CCDC102B: variants seen among roughly 807,000 people sequenced by gnomAD.
CCDC102B encodes the protein coiled-coil domain-containing protein 102B.
CCDC102B carries 75 observed loss-of-function variants against 57.4 expected under a neutral mutation model. That is an observed-to-expected ratio of 1.31 (90% CI 1.08 to 1.58). CCDC102B has a LOEUF of 1.58. CCDC102B is among the 40% of genes most tolerant of loss of function. CCDC102B has a pLI of 0.00. For synonymous variants in CCDC102B, 206 were observed against 201.9 expected (o/e 1.02, Z -0.17); for missense variants, 636 against 582.6 (o/e 1.09, Z -0.94).
At chr18:68,989,638 T>A (rs1021561557) in intron 6 of CCDC102B, among the ~76,000 whole-genome samples, 15 of 152,324 alleles carry the variant, frequency 9.8e-5, no homozygotes, top group African/African-American at 2.6e-4. Context: ...GAGGAAGGGC[T>A]GTGTGCATCT....
chr18:69,049,846 G>A (rs1301498579), intron 7 of CCDC102B, among the ~76,000 whole-genome samples: 2 of 151,302 alleles, frequency 1.3e-5, no homozygotes, highest in Admixed American at 1.3e-4. Flanking sequence ...GTCTCACTAT[G>A]TTGCCCAGGC....
intron 2 of CCDC102B, among the ~76,000 whole-genome samples, chr18:68,785,560 A>G (rs9962025): frequency 0.98 from 148,276 of 150,862 alleles, 72,922 homozygotes; most frequent in East Asian, 1. Context: ...GTTTTGATTT[A>G]CGTTTCTCTG....
chr18:69,007,032 A>T (rs2051369971), intron 6 of CCDC102B, among the ~76,000 whole-genome samples: 1 of 152,186 alleles, frequency 6.6e-6, no homozygotes, highest in Non-Finnish European at 1.5e-5. Flanking sequence ...GTATGTGAAG[A>T]ATTTCTCATA....
chr18:68,853,204 C>G (rs2038211762), intron 4 of CCDC102B, among the ~76,000 whole-genome samples: 1 of 152,048 alleles, frequency 6.6e-6, no homozygotes, highest in African/African-American at 2.4e-5. Flanking sequence ...TATGAAAGTT[C>G]TCCCATTTCT....
intron 6 of CCDC102B, among the ~76,000 whole-genome samples, chr18:68,929,970 T>C (rs2145135685): frequency 6.6e-6 from 1 of 151,808 alleles, no homozygotes; most frequent in East Asian, 1.9e-4. Flanking sequence ...ATCCTAAAAA[T>C]AAAAAGAGTA....
At chr18:68,723,192 A>G (rs772473358) in intron 2 of CCDC102B, among the ~76,000 whole-genome samples, 5 of 152,088 alleles carry the variant, frequency 3.3e-5, no homozygotes, top group African/African-American at 1.2e-4. Context: ...TGAGAAGAGC[A>G]TGGAGAAAAC....
At chr18:68,942,890 A>G (rs1391135832) in intron 6 of CCDC102B, among the ~76,000 whole-genome samples, 2 of 127,776 alleles carry the variant, frequency 1.6e-5, no homozygotes, top group African/African-American at 5.2e-5. Context: ...TCACATGGGG[A>G]GAAACCTTGG....
intron 5 of CCDC102B, among the ~76,000 whole-genome samples, chr18:68,885,672 A>G (rs539312201): frequency 6.7e-6 from 1 of 149,024 alleles, no homozygotes; most frequent in East Asian, 2.3e-4. Context: ...AATATAGATT[A>G]GAATAGTACA....
At chr18:68,846,277 G>T in intron 3 of CCDC102B, 36 bp from the exon 4 acceptor site, 1 of 1,340,802 alleles carries the variant, frequency 7.5e-7, no homozygotes, top group East Asian at 2.8e-5. Context: ...TAAAATTGAA[G>T]CCGACTTTTT....
chr18:68,852,232 A>G (rs1383256539), intron 4 of CCDC102B, among the ~76,000 whole-genome samples: 1 of 152,160 alleles, frequency 6.6e-6, no homozygotes, highest in Non-Finnish European at 1.5e-5. Context: ...CTGCAATGCC[A>G]GTTTCTTCCC....
intron 2 of CCDC102B, among the ~76,000 whole-genome samples, chr18:68,763,724 G>GCAGTAGAACCT (rs2034329748): frequency 1.5e-5 from 2 of 134,330 alleles, no homozygotes; most frequent in African/African-American, 6.5e-5. Context: ...CCTCAATACA[G>GCAGTAGAACCT]ACAAATATTC....
downstream of CCDC102B, among the ~76,000 whole-genome samples, chr18:69,056,508 C>T (rs2052817100): frequency 6.6e-6 from 1 of 151,936 alleles, no homozygotes; most frequent in South Asian, 2.1e-4. Flanking sequence ...TAGGTTTCTG[C>T]TTGTCTCCTA....
chr18:68,996,237 A>G (rs113389207), intron 6 of CCDC102B, among the ~76,000 whole-genome samples: 136 of 152,242 alleles, frequency 8.9e-4, no homozygotes, highest in Non-Finnish European at 1.5e-3. Flanking sequence ...ACATGGAAGG[A>G]CCAGACTGGC....
intron 6 of CCDC102B, among the ~76,000 whole-genome samples, chr18:68,906,872 T>C (rs2040669148): frequency 1.3e-5 from 2 of 151,904 alleles, no homozygotes; most frequent in African/African-American, 2.4e-5. Context: ...TCTGGTTTCA[T>C]ATCTAAAAAC....
At chr18:68,881,506 A>C (rs2039691059) in intron 5 of CCDC102B, among the ~76,000 whole-genome samples, 1 of 152,194 alleles carries the variant, frequency 6.6e-6, no homozygotes, top group African/African-American at 2.4e-5. Context: ...AGGATGTTTC[A>C]GGATGCAATT....
In CCDC102B at chr18:68,894,264, G is replaced by A. The variant is rs144105692; in HGVS notation, c.1054-2955G>A. 2.9e-4 allele frequency among the ~76,000 whole-genome samples: 44 copies of A among 152,008 alleles called. No individual in the cohort carries two copies. In the East Asian group the frequency reaches 7.5e-3, roughly 26 times the overall value. On this transcript the variant is annotated intron_variant, in intron 5 of 7. Transcript: ENST00000360242. The stretch of plus-strand genomic sequence containing the variant: ...GGATATTTATGTACTTTTTCTCGAC[G>A]TTTAATAAGAAATTGATGTCATTAA...
intron 4 of CCDC102B, among the ~76,000 whole-genome samples, chr18:68,873,752 T>A (rs1366008063): frequency 6.6e-6 from 1 of 152,100 alleles, no homozygotes; most frequent in Non-Finnish European, 1.5e-5. Flanking sequence ...AGTATAACAT[T>A]AGTTTTTGTA....
chr18:68,915,038 C>A (rs976432266), intron 6 of CCDC102B, among the ~76,000 whole-genome samples: 3 of 150,932 alleles, frequency 2.0e-5, no homozygotes, highest in South Asian at 2.1e-4. Context: ...ATGAGGGCAG[C>A]GATTGAGATA....
intron 2 of CCDC102B, among the ~76,000 whole-genome samples, chr18:68,774,144 T>C (rs2034733241): frequency 6.6e-6 from 1 of 152,002 alleles, no homozygotes; most frequent in South Asian, 2.1e-4. Flanking sequence ...TGTTCCTTTT[T>C]AATCTTAGTA....
Sources: gnomAD v4.1 joint callset for allele counts (sites outside exome capture counted in the v4.1 genomes callset) on GRCh38, gnomAD v4.1.1 for gene constraint, MANE v1.5 for transcripts, NCBI Gene and HGNC (gene_info 2026-07-23, HGNC 2026-07-21) for gene names.